Variants in C3orf33 observed in about 807,000 individuals in gnomAD.
C3orf33 encodes mitochondrial inner membrane subdomain organizer 1, also known as AP-1 activity suppressor.
A neutral mutation model predicts 28.7 loss-of-function variants in C3orf33; 23 were observed. That is an observed-to-expected ratio of 0.80 (90% CI 0.58 to 1.13). The LOEUF is 1.13. Ranked by LOEUF, C3orf33 falls within the 50% of genes most tolerant of loss-of-function variation. The pLI is 0.00. For synonymous variants in C3orf33, 119 were observed against 120.5 expected, an observed-to-expected ratio of 0.99 and a Z score of 0.08; for missense variants, 327 against 353.4, an observed-to-expected ratio of 0.93 and a Z score of 0.60.
intron 2 of C3orf33, among the ~76,000 whole-genome samples, chr3:155,795,038 A>G (rs1056405648): frequency 6.6e-5 from 10 of 152,252 alleles, no homozygotes; most frequent in African/African-American, 2.4e-4. Context: ...TCTGCACGAT[A>G]GACCAAATGG....
Position 155,795,336 on chromosome 3 carries a change from A to ATCCC in C3orf33, c.174+7192_174+7195dup, listed in dbSNP as rs556117966. Among the ~76,000 whole-genome samples the ATCCC allele has an allele frequency of 2.2e-3, 334 of 152,222 alleles. 1 individual carries two copies. The highest frequency in any genetic ancestry group is 3.7e-3 in the Non-Finnish European group (252 of 68,002). On this transcript the variant is annotated intron_variant, in intron 2 of 4. Coordinates refer to ENST00000340171, the MANE Select transcript of C3orf33 (RefSeq NM_001308229.2). ...CCAGACGTGGTGGTGCATGCCTGTA[A>ATCCC]TCCCAGCTGATCAGGAGGCTGAGGC...
chr3:155,777,611 A>T (rs1373094882), intron 2 of C3orf33, among the ~76,000 whole-genome samples: 2 of 151,948 alleles, frequency 1.3e-5, no homozygotes, highest in Non-Finnish European at 2.9e-5. Context: ...TAATTTTTAA[A>T]TTTTTTGTAT....
intron 2 of C3orf33, among the ~76,000 whole-genome samples, chr3:155,796,052 C>T (rs549604379): frequency 6.6e-6 from 1 of 151,854 alleles, no homozygotes; most frequent in African/African-American, 2.4e-5. Flanking sequence ...CTATAAGCAC[C>T]TACATCAAAA....
At chr3:155,790,807 A>T (rs1231184848) in intron 2 of C3orf33, among the ~76,000 whole-genome samples, 1 of 152,206 alleles carries the variant, frequency 6.6e-6, no homozygotes, top group Non-Finnish European at 1.5e-5. Context: ...TCATGCCAGC[A>T]GTCACAACCT....
chr3:155,766,221 T>C (rs895228251), intron 4 of C3orf33, among the ~76,000 whole-genome samples: 1 of 152,158 alleles, frequency 6.6e-6, no homozygotes, highest in African/African-American at 2.4e-5. Flanking sequence ...CTGAATATCA[T>C]AGTATGATCA....
At chr3:155,772,770 C>CTGTGTGTGTG (rs1406983545) in intron 3 of C3orf33, among the ~76,000 whole-genome samples, 16 of 84,422 alleles carry the variant, frequency 1.9e-4, no homozygotes, top group Admixed American at 1.4e-3. Context: ...AATTTTTAGG[C>CTGTGTGTGTG]TCTGTGTGTG....
intron 2 of C3orf33, among the ~76,000 whole-genome samples, chr3:155,782,295 A>G (rs1424740761): frequency 6.6e-6 from 1 of 151,880 alleles, no homozygotes; most frequent in Non-Finnish European, 1.5e-5. Context: ...GCACTAGAGG[A>G]GTCCCAGAAG....
At position 155,789,932 on chromosome 3, in the gene C3orf33, G is replaced by A. The variant is rs141131853; in HGVS notation, c.174+12600C>T. Among the ~76,000 whole-genome samples the A allele has an allele frequency of 4.6e-3, 699 of 152,146 alleles. 10 individuals are homozygous for A. The highest frequency in any genetic ancestry group is 0.016 in the African/African-American group (652 of 41,496). On this transcript the variant is annotated intron_variant, in intron 2 of 4. Transcript: ENST00000340171. ...AATCCCAGCACTTTGGGAGGCCAAG[G>A]TGGGTGGATAACTTGAGACCAGGAG...
At position 155,763,787 on chromosome 3, in the gene C3orf33, T is replaced by C; in HGVS notation, c.615A>G (p.Glu205=). Reference sequence around the variant, plus strand: ...CTTCTCCTTTTTTTAAGGCTGTTAATTCAGCTTTAAGTAAGTTTCTGTGAA... The same window carrying C: ...CTTCTCCTTTTTTTAAGGCTGTTAACTCAGCTTTAAGTAAGTTTCTGTGAA... ...WTVHRNLLKA[E]LTALKKGEGI... The change falls in exon 5 of 5, where the codon GAA becomes GAG. Residue 205 remains glutamate (E), a synonymous_variant. Transcript: ENST00000340171. The C allele has an allele frequency of 3.1e-6, 5 of 1,606,358 alleles. No homozygotes were observed. The highest frequency in any genetic ancestry group is 4.5e-5 in the East Asian group (2 of 44,750).
intron 2 of C3orf33, among the ~76,000 whole-genome samples, chr3:155,793,367 A>C (rs1279387008): frequency 7.0e-6 from 1 of 142,620 alleles, no homozygotes; most frequent in Non-Finnish European, 1.6e-5. Flanking sequence ...GAGTGCTTCA[A>C]TCTGATTAAA....
chr3:155,804,627 T>G (rs1751760226), intron 1 of C3orf33, among the ~76,000 whole-genome samples: 1 of 152,208 alleles, frequency 6.6e-6, no homozygotes, highest in African/African-American at 2.4e-5. Context: ...CTGGCTGTCT[T>G]GACTTTTTTA....
At chr3:155,791,140 TAGG>T (rs1370464330) in intron 2 of C3orf33, among the ~76,000 whole-genome samples, 4 of 152,048 alleles carry the variant, frequency 2.6e-5, no homozygotes, top group Non-Finnish European at 5.9e-5. Flanking sequence ...TCAGCTATAG[TAGG>T]ATAAGGCACT....
intron 2 of C3orf33, among the ~76,000 whole-genome samples, chr3:155,793,451 CAG>C (rs1389753250): frequency 6.6e-6 from 1 of 150,722 alleles, no homozygotes; most frequent in African/African-American, 2.4e-5. Context: ...TCACTGGTAA[CAG>C]AAAGTACAAA....
At chr3:155,802,946 T>TA (rs1751694802) in intron 1 of C3orf33, among the ~76,000 whole-genome samples, 1 of 152,152 alleles carries the variant, frequency 6.6e-6, no homozygotes, top group Non-Finnish European at 1.5e-5. Flanking sequence ...GATTGTTCTC[T>TA]ACTGATCGTA....
intron 2 of C3orf33, among the ~76,000 whole-genome samples, chr3:155,777,569 T>C (rs1750791623): frequency 1.3e-5 from 2 of 151,940 alleles, no homozygotes. Flanking sequence ...GCCCCCCAAG[T>C]AGGACTACAG....
At position 155,762,836 on chromosome 3, in the gene C3orf33, T is replaced by G. The variant is rs1215653069; in HGVS notation, c.*681A>C. ...GTGAACCAAGATAACGCCACTGCACTCCTGCCTGGGTGACAAGAGCGAAAC... is the reference window on the plus strand; with the variant it reads ...GTGAACCAAGATAACGCCACTGCACGCCTGCCTGGGTGACAAGAGCGAAAC... On this transcript the variant is annotated 3_prime_UTR_variant, in exon 5 of 5. Coordinates refer to ENST00000340171, the MANE Select transcript of C3orf33 (RefSeq NM_001308229.2). 6.6e-6 allele frequency: 1 copy of G among 151,944 alleles called. No individual in the cohort carries two copies. Among genetic ancestry groups the G allele is most frequent in the Admixed American group, 6.6e-5 (1 of 15,238 alleles). The allele number at this position is 151,944 out of a possible 1,614,324, so 9.4% of individuals were successfully genotyped here. A position where few individuals can be genotyped will look rare whatever the true frequency, so the allele number is the denominator to read the frequency against.
intron 4 of C3orf33, 89 bp from the exon 5 acceptor site, chr3:155,764,007 A>G: frequency 9.3e-7 from 1 of 1,079,866 alleles, no homozygotes; most frequent in Non-Finnish European, 1.2e-6. Context: ...TCAGTCATTC[A>G]ACAATTTTAG....
chr3:155,781,227 C>G (rs925738385), intron 2 of C3orf33, among the ~76,000 whole-genome samples: 1 of 150,006 alleles, frequency 6.7e-6, no homozygotes, highest in African/African-American at 2.5e-5. Context: ...AGGATGGTCT[C>G]GATCTCCTGA....
At chr3:155,781,163 A>G (rs1412541511) in intron 2 of C3orf33, among the ~76,000 whole-genome samples, 1 of 150,294 alleles carries the variant, frequency 6.7e-6, no homozygotes, top group Non-Finnish European at 1.5e-5. Flanking sequence ...GCGCCCGGCT[A>G]ATTTTTTTTT....
Sources: gnomAD v4.1 joint callset for allele counts (sites outside exome capture counted in the v4.1 genomes callset) on GRCh38, gnomAD v4.1.1 for gene constraint, MANE v1.5 for transcripts, NCBI Gene and HGNC (gene_info 2026-07-23, HGNC 2026-07-21) for gene names.